Variants in INSR observed in about 807,000 individuals in gnomAD.
INSR encodes the protein insulin receptor.
A neutral mutation model predicts 142.6 loss-of-function variants in INSR; 67 were observed. The ratio of observed to expected loss-of-function variants is 0.47; its 90% CI spans 0.39 to 0.58. INSR has a LOEUF of 0.58. Among genes scored for constraint, INSR ranks in the 20% least tolerant of loss-of-function variants. The probability of loss-of-function intolerance (pLI) is 0.00; values close to 1 mark genes in which losing one functional copy is unlikely to be tolerated. For missense variants in INSR, 1,248 were observed against 1,833.2 expected, an observed-to-expected ratio of 0.68 and a Z score of 5.83; for synonymous variants, 756 against 743.1, an observed-to-expected ratio of 1.02 and a Z score of -0.28.
Position 7,166,383 on chromosome 19 carries a change from C to T in INSR, c.1632G>A (p.Glu544=), listed in dbSNP as rs1973890434. The stretch of plus-strand genomic sequence containing the variant: ...AACCACACGCATCCTGCCCGTCGAA[C>T]TCCGTCACATTCTGATAAGGGCTTT... ...YKEAPYQNVT[E]FDGQDACGSN... The change falls in exon 8 of 22, where the codon GAG becomes GAA. Residue 544 remains glutamate (E), a synonymous_variant. Transcript: ENST00000302850. This position sits in a 1 kb window ranked among gnomAD's most constrained non-coding sequence, Gnocchi z 4.1. The T allele has an allele frequency of 3.1e-6, 5 of 1,613,972 alleles. No homozygotes were observed. The highest frequency in any genetic ancestry group is 2.7e-5 in the African/African-American group (2 of 74,916).
intron 2 of INSR, among the ~76,000 whole-genome samples, chr19:7,253,524 C>A (rs1045393208): frequency 6.6e-6 from 1 of 152,096 alleles, no homozygotes; most frequent in Non-Finnish European, 1.5e-5. Context: ...AGGCGTGTGC[C>A]TGGCCCCTCC....
intron 2 of INSR, among the ~76,000 whole-genome samples, chr19:7,206,796 A>G (rs928659762): frequency 1.3e-5 from 2 of 152,166 alleles, no homozygotes; most frequent in Non-Finnish European, 2.9e-5. Context: ...AAGAGTCATC[A>G]AGGAATAAAT....
At chr19:7,197,918 A>AGAGTGTGT (rs1469853992) in intron 2 of INSR, among the ~76,000 whole-genome samples, 40 of 100,296 alleles carry the variant, frequency 4.0e-4, no homozygotes, top group Admixed American at 1.0e-3. Flanking sequence ...CCAGAGTGAG[A>AGAGTGTGT]GTGTGTGTGT....
In INSR at chr19:7,126,599, G is replaced by A. The variant is rs745634483; in HGVS notation, c.2998C>T (p.Leu1000Phe). The change falls in exon 16 of 22, where the codon CTC (leucine) becomes TTC (phenylalanine). Residue 1000 changes from leucine to phenylalanine, a missense_variant. Leu to Phe is a conservative substitution (Grantham distance 22). Around this residue, in one of 3 missense-constraint regions of INSR, gnomAD observed 1,069 missense variants for 1,654.0 expected, o/e 0.65. Coordinates refer to ENST00000302850, the MANE Select transcript of INSR (RefSeq NM_000208.4). ...PLYASSNPEY[L>F]SASDVFPCSV... ...TGGTACTCACCATCACTGGCACTGA[G>A]ATACTCAGGGTTTGAAGAAGCGTAA... 7 of 1,561,538 alleles carry A rather than the reference G, an allele frequency of 4.5e-6. No individual in the cohort carries two copies. In the African/African-American group the frequency reaches 9.5e-5, roughly 21 times the overall value.
chr19:7,173,612 C>CTTTTTTTTTTT (rs953885301), intron 4 of INSR, among the ~76,000 whole-genome samples: 2 of 61,498 alleles, frequency 3.3e-5, no homozygotes, highest in African/African-American at 8.7e-5. Flanking sequence ...CAGCGCCTGG[C>CTTTTTTTTTTT]TTTTTTTTTT....
At chr19:7,204,554 AAAAG>A (rs1975054150) in intron 2 of INSR, among the ~76,000 whole-genome samples, 1 of 152,180 alleles carries the variant, frequency 6.6e-6, no homozygotes, top group Admixed American at 6.5e-5. Context: ...TGATTTCAAC[AAAAG>A]AAAGGAATAA....
At chr19:7,145,969 A>G (rs1346055934) in intron 11 of INSR, among the ~76,000 whole-genome samples, 2 of 152,192 alleles carry the variant, frequency 1.3e-5, no homozygotes, top group African/African-American at 2.4e-5. Context: ...GAAATATTCT[A>G]TTATGAGTTT....
At position 7,180,529 on chromosome 19, in the gene INSR, CA is replaced by C. The variant is rs57184012; in HGVS notation, c.974+3786del. ...TGGGTGACAGACCAAGACCTTGTCT[CA>C]AAAAAAAAAAAAAAAGACAAAAATA... is the stretch of plus-strand genomic sequence containing the variant. On this transcript the variant is annotated intron_variant, in intron 3 of 21. Transcript: ENST00000302850. Among the ~76,000 whole-genome samples the C allele has an allele frequency of 3.7e-3, 339 of 91,830 alleles. 5 individuals are homozygous for C. Among genetic ancestry groups the C allele is most frequent in the South Asian group, 4.0e-3 (11 of 2,764 alleles). The allele number at this position is 91,830 out of a possible 152,430, so 60.2% of individuals were successfully genotyped here. A position where few individuals can be genotyped will look rare whatever the true frequency, so the allele number is the denominator to read the frequency against.
At chr19:7,240,280 A>G (rs1256255522) in intron 2 of INSR, among the ~76,000 whole-genome samples, 1 of 152,228 alleles carries the variant, frequency 6.6e-6, no homozygotes, top group Non-Finnish European at 1.5e-5. Context: ...TACAGCAGCG[A>G]AAGATTTAAA....
At position 7,170,770 on chromosome 19, in the gene INSR, C is replaced by A. The variant is rs573521166; in HGVS notation, c.1269-19G>T. On this transcript the variant is annotated intron_variant, in intron 5 of 21. Transcript: ENST00000302850. The stretch of plus-strand genomic sequence containing the variant: ...GTAGTTCCTATGGAAAAAACACACA[C>A]ATCTAGTCATTCAACGGCTGGTCTT... 6.3e-7 allele frequency: 1 copy of A among 1,579,722 alleles called. No individual in the cohort carries two copies. Among genetic ancestry groups the A allele is most frequent in the Admixed American group, 1.7e-5 (1 of 59,938 alleles).
chr19:7,179,390 G>A (rs368575865), intron 3 of INSR, among the ~76,000 whole-genome samples: 3 of 152,234 alleles, frequency 2.0e-5, no homozygotes, highest in South Asian at 2.1e-4. Context: ...AACTTGTGGC[G>A]TCTGATGCTA....
chr19:7,228,281 A>T (rs928201741), intron 2 of INSR, among the ~76,000 whole-genome samples: 2 of 152,236 alleles, frequency 1.3e-5, no homozygotes, highest in African/African-American at 4.8e-5. Context: ...CGGGGGCTTA[A>T]AGGCTTATTT....
chr19:7,201,811 G>GCCA (rs1418831882), intron 2 of INSR, among the ~76,000 whole-genome samples: 5 of 110,808 alleles, frequency 4.5e-5, no homozygotes, highest in Admixed American at 1.9e-4. Context: ...TACAGGCGCG[G>GCCA]CCACCACGCC....
At chr19:7,181,733 C>T (rs1974279994) in intron 3 of INSR, among the ~76,000 whole-genome samples, 1 of 151,842 alleles carries the variant, frequency 6.6e-6, no homozygotes, top group South Asian at 2.1e-4. Flanking sequence ...CCATGCCCAG[C>T]TAATTTTTTT....
intron 14 of INSR, 124 bp from the exon 15 acceptor site, chr19:7,129,078 C>A: frequency 2.9e-6 from 2 of 693,910 alleles, no homozygotes; most frequent in South Asian, 1.5e-5. Flanking sequence ...TGTCCATAAA[C>A]CTCTCTGCTG....
intron 2 of INSR, among the ~76,000 whole-genome samples, chr19:7,222,758 T>G (rs575927367): frequency 6.6e-6 from 1 of 152,202 alleles, no homozygotes; most frequent in Admixed American, 6.5e-5. Flanking sequence ...AGCTGTGTCC[T>G]TGGGGAGGGC....
chr19:7,183,865 C>A (rs374869612), intron 3 of INSR, among the ~76,000 whole-genome samples: 5 of 151,992 alleles, frequency 3.3e-5, no homozygotes, highest in South Asian at 2.1e-4. Flanking sequence ...TCGAGACCAG[C>A]CTGACCAACA....
chr19:7,268,914 C>A (rs995810645), intron 1 of INSR, among the ~76,000 whole-genome samples: 2 of 151,974 alleles, frequency 1.3e-5, no homozygotes, highest in African/African-American at 4.8e-5. Context: ...GCAGCCGTCC[C>A]TGATTTCCTT....
rs1348391584 is a variant in INSR at position 7,159,157 on chromosome 19, G to A, written c.2029+3875C>T. On this transcript the variant is annotated intron_variant, in intron 9 of 21. Coordinates refer to ENST00000302850, the MANE Select transcript of INSR (RefSeq NM_000208.4). The surrounding 1 kb of genome is among the most constrained non-coding windows in gnomAD (Gnocchi z 4.3). ...GCCTCAAAGTGATCCACCCCACCTC[G>A]GCCTCCCAGTGTGCTGGGATTACAG... is the stretch of plus-strand genomic sequence containing the variant. 2.0e-5 allele frequency among the ~76,000 whole-genome samples: 3 copies of A among 152,066 alleles called. No individual in the cohort carries two copies. The highest frequency in any genetic ancestry group is 7.2e-5 in the African/African-American group (3 of 41,404).
Sources: gnomAD v4.1 joint callset for allele counts (sites outside exome capture counted in the v4.1 genomes callset) on GRCh38, gnomAD v4.1.1 for gene constraint, gnomAD v4.1.1 regional missense constraint, Gnocchi (gnomAD v3.1) non-coding constraint, MANE v1.5 for transcripts, NCBI Gene and HGNC (gene_info 2026-07-23, HGNC 2026-07-21) for gene names.